CXADR: variants seen among roughly 807,000 people sequenced by gnomAD.
The protein encoded by CXADR is CXADR cell adhesion molecule.
A neutral mutation model predicts 40.3 loss-of-function variants in CXADR; 20 were observed. That is an observed-to-expected ratio of 0.50 (90% confidence interval 0.35 to 0.72). The LOEUF is 0.72. CXADR is among the 30% of genes least tolerant of loss of function. The pLI is 0.01. For synonymous variants in CXADR, 150 were observed against 161.3 expected, an observed-to-expected ratio of 0.93 and a Z score of 0.53; for missense variants, 332 against 449.1, an observed-to-expected ratio of 0.74 and a Z score of 2.36.
the CXADR span, chr21:17,605,072 G>C: frequency 5.4e-6 from 8 of 1,483,084 alleles, no homozygotes; most frequent in African/African-American, 4.2e-5. Context: ...ATTCATACTT[G>C]CCAAGGTGAG....
At chr21:17,603,656 A>T in the CXADR span, among the ~76,000 whole-genome samples, 1 of 152,186 alleles carries the variant, frequency 6.6e-6, no homozygotes, top group South Asian at 2.1e-4. Flanking sequence ...AACCAAATAG[A>T]AACATCCTAA....
At chr21:17,552,812 T>C (rs1170410785) in intron 3 of CXADR, among the ~76,000 whole-genome samples, 1 of 152,168 alleles carries the variant, frequency 6.6e-6, no homozygotes, top group Non-Finnish European at 1.5e-5. Flanking sequence ...AAATAACTGA[T>C]CAGGGCAGGC....
At chr21:17,609,641 T>C in the CXADR span, among the ~76,000 whole-genome samples, 1 of 152,234 alleles carries the variant, frequency 6.6e-6, no homozygotes, top group Non-Finnish European at 1.5e-5. Flanking sequence ...AGAGTTATCA[T>C]ATGACACGGC....
intron 7 of CXADR, among the ~76,000 whole-genome samples, chr21:17,592,592 G>A (rs1039746491): frequency 4.6e-5 from 7 of 151,552 alleles, no homozygotes; most frequent in African/African-American, 1.5e-4. Flanking sequence ...AACTCTCAAG[G>A]ACCCATAAGG....
intron 7 of CXADR, chr21:17,593,130 A>T: frequency 7.1e-7 from 1 of 1,399,124 alleles, no homozygotes; most frequent in Non-Finnish European, 9.4e-7. Flanking sequence ...TTATAGAGAT[A>T]TCTCTTTTTT....
the CXADR span, among the ~76,000 whole-genome samples, chr21:17,626,230 C>A: frequency 2.6e-5 from 4 of 152,162 alleles, no homozygotes. Flanking sequence ...TTTGTCAATG[C>A]AAACATACCT....
At chr21:17,565,316 T>G in intron 6 of CXADR, 112 bp from the exon 7 acceptor site, 4 of 1,129,672 alleles carry the variant, frequency 3.5e-6, no homozygotes, top group Non-Finnish European at 5.1e-6. Flanking sequence ...CACACACACT[T>G]TTATATGTTT....
intron 1 of CXADR, among the ~76,000 whole-genome samples, chr21:17,536,964 G>A (rs763758848): frequency 5.9e-5 from 9 of 151,940 alleles, no homozygotes; most frequent in African/African-American, 9.7e-5. Context: ...CACCATGTTG[G>A]CCAGGCTGGT....
chr21:17,630,525 TC>T, the CXADR span, among the ~76,000 whole-genome samples: 2 of 152,164 alleles, frequency 1.3e-5, no homozygotes, highest in Non-Finnish European at 2.9e-5. Flanking sequence ...TATTAAAATA[TC>T]CCTGACTGTC....
the CXADR span, chr21:17,598,646 C>G: frequency 6.2e-7 from 1 of 1,614,052 alleles, no homozygotes. Flanking sequence ...GCTGCAGTCA[C>G]CGAACTGGGT....
At chr21:17,607,920 C>G in the CXADR span, among the ~76,000 whole-genome samples, 5 of 152,218 alleles carry the variant, frequency 3.3e-5, no homozygotes, top group East Asian at 9.6e-4. Context: ...GTCTGCTCTT[C>G]TTTACTTTAA....
rs573689228 is a variant in CXADR, at chr21:17,545,530, G to A, written c.44-1497G>A. Among the ~76,000 whole-genome samples the A allele has an allele frequency of 3.3e-5, 5 of 151,712 alleles. No individual in the cohort carries two copies. In the South Asian group the frequency reaches 8.4e-4, roughly 25 times the overall value. On this transcript the variant is annotated intron_variant, in intron 1 of 6. Transcript: ENST00000284878. ...CAGCCTCTACCTCCCAAGTTCAAGC[G>A]ATCCTCCTGCCTCAGCCTCCTGAGT...
intron 7 of CXADR, among the ~76,000 whole-genome samples, chr21:17,584,425 C>T (rs2061380768): frequency 6.6e-6 from 1 of 152,174 alleles, no homozygotes. Flanking sequence ...CATCATCGTG[C>T]CATCCTGCAT....
chr21:17,596,724 T>C (rs1402499505), downstream of CXADR, among the ~76,000 whole-genome samples: 1 of 152,094 alleles, frequency 6.6e-6, no homozygotes, highest in Non-Finnish European at 1.5e-5. Context: ...GCCCTCCAAC[T>C]GATCCTCCTT....
chr21:17,575,871 T>G (rs2061318661), intron 7 of CXADR, among the ~76,000 whole-genome samples: 1 of 151,414 alleles, frequency 6.6e-6, no homozygotes, highest in African/African-American at 2.4e-5. Flanking sequence ...GTGGATCACC[T>G]GAGGTCAGGA....
the CXADR span, among the ~76,000 whole-genome samples, chr21:17,627,748 T>C: frequency 6.6e-6 from 1 of 152,336 alleles, no homozygotes; most frequent in Middle Eastern, 3.4e-3. Flanking sequence ...TTGTGGTTGC[T>C]ACTCGGAAAG....
chr21:17,625,243 T>C, the CXADR span, among the ~76,000 whole-genome samples: 1 of 152,120 alleles, frequency 6.6e-6, no homozygotes, highest in African/African-American at 2.4e-5. Context: ...TTTTTAAACT[T>C]ATTCATAGGA....
chr21:17,527,958 A>G (rs944442562), intron 1 of CXADR, among the ~76,000 whole-genome samples: 1 of 151,514 alleles, frequency 6.6e-6, no homozygotes, highest in African/African-American at 2.4e-5. Flanking sequence ...ACGTTTTACA[A>G]TGCACTTTTC....
chr21:17,613,460 C>T, the CXADR span: 1 of 152,324 alleles, frequency 6.6e-6, no homozygotes, highest in African/African-American at 2.4e-5. Context: ...CGTGCAGCCG[C>T]CCTGCTGTAT....
Sources: allele counts gnomAD v4.1 joint callset (sites outside exome capture counted in the v4.1 genomes callset), GRCh38; gene constraint gnomAD v4.1.1; transcripts MANE v1.5; gene names NCBI Gene and HGNC (gene_info 2026-07-23, HGNC 2026-07-21).